CADPS: variants seen among roughly 807,000 people sequenced by gnomAD.
CADPS encodes the protein calcium dependent secretion activator, also known as calcium-dependent secretion activator 1.
A neutral mutation model predicts 167.3 loss-of-function variants in CADPS; 57 were observed. The ratio of observed to expected loss-of-function variants is 0.34; its 90% CI spans 0.28 to 0.42. The LOEUF is 0.42. Among genes scored for constraint, CADPS ranks in the 20% least tolerant of loss-of-function variants. The pLI, the probability that CADPS is intolerant of heterozygous loss-of-function variation, is 1.00. For missense variants in CADPS, 1,414 were observed against 1,738.1 expected (o/e 0.81, Z 3.32); for synonymous variants, 676 against 635.3 (o/e 1.06, Z -0.96).
chr3:62,820,799 T>TTG (rs1553723759), intron 1 of CADPS, among the ~76,000 whole-genome samples: 3 of 150,964 alleles, frequency 2.0e-5, no homozygotes, highest in Non-Finnish European at 4.4e-5. Context: ...TTTTTGGTTT[T>TTG]TTTTTTTTTT....
chr3:62,811,291 AT>A (rs1042659548), intron 1 of CADPS, among the ~76,000 whole-genome samples: 17 of 151,932 alleles, frequency 1.1e-4, no homozygotes, highest in African/African-American at 4.1e-4. Flanking sequence ...AGCCAATCTT[AT>A]AAAAAAAAAA....
intron 21 of CADPS, among the ~76,000 whole-genome samples, chr3:62,490,728 G>A (rs1236938414): frequency 1.3e-5 from 2 of 152,044 alleles, no homozygotes; most frequent in Non-Finnish European, 2.9e-5. Context: ...AAACATACTT[G>A]GCCATAAAGG....
chr3:62,643,517 T>A (rs1468679061), intron 6 of CADPS, among the ~76,000 whole-genome samples: 2 of 152,228 alleles, frequency 1.3e-5, no homozygotes, highest in African/African-American at 4.8e-5. Flanking sequence ...TAAGTATGTG[T>A]ATAAAACATG....
intron 4 of CADPS, among the ~76,000 whole-genome samples, chr3:62,653,830 C>A (rs753195776): frequency 6.6e-6 from 1 of 152,042 alleles, no homozygotes; most frequent in Non-Finnish European, 1.5e-5. Context: ...CTGAAATCCA[C>A]TCCGCAACGT....
At chr3:62,868,717 C>T (rs568715626) in intron 1 of CADPS, among the ~76,000 whole-genome samples, 2 of 152,246 alleles carry the variant, frequency 1.3e-5, no homozygotes, top group East Asian at 1.9e-4. Context: ...CTAACTTCAT[C>T]TCTAACCATC....
intron 3 of CADPS, among the ~76,000 whole-genome samples, chr3:62,728,398 C>T (rs1369239279): frequency 2.6e-5 from 4 of 151,788 alleles, no homozygotes; most frequent in African/African-American, 9.7e-5. Flanking sequence ...ATATCTAACA[C>T]TCACCTCACT....
chr3:62,670,553 C>A (rs1447593308), intron 3 of CADPS, among the ~76,000 whole-genome samples: 1 of 152,096 alleles, frequency 6.6e-6, no homozygotes, highest in Non-Finnish European at 1.5e-5. Context: ...CCAGGTTTTG[C>A]CAGCCAATGA....
chr3:62,429,488 G>A (rs2053491513), intron 28 of CADPS, among the ~76,000 whole-genome samples: 1 of 152,198 alleles, frequency 6.6e-6, no homozygotes, highest in Non-Finnish European at 1.5e-5. Flanking sequence ...CTGGAGCCCA[G>A]CAGGGAGAGA....
At chr3:62,520,192 G>A (rs2070134378) in intron 13 of CADPS, among the ~76,000 whole-genome samples, 1 of 152,138 alleles carries the variant, frequency 6.6e-6, no homozygotes, top group African/African-American at 2.4e-5. Context: ...ATTATTAGGA[G>A]ATAAATATCT....
intron 8 of CADPS, among the ~76,000 whole-genome samples, chr3:62,575,612 T>C: frequency 6.6e-6 from 1 of 152,244 alleles, no homozygotes; most frequent in East Asian, 1.9e-4. Context: ...TGAGAAAGTT[T>C]AAGTAACTTT....
intron 4 of CADPS, among the ~76,000 whole-genome samples, chr3:62,657,893 C>G (rs189569453): frequency 6.6e-6 from 1 of 152,198 alleles, no homozygotes; most frequent in Admixed American, 6.6e-5. Context: ...AGGGTCCCTA[C>G]AATATCTTTT....
Position 62,872,055 on chromosome 3 carries a change from C to A in CADPS, c.441+2534G>T, listed in dbSNP as rs138782196. Among the ~76,000 whole-genome samples the A allele has an allele frequency of 2.0e-3, 312 of 152,262 alleles. 4 individuals carry two copies. The highest frequency in any genetic ancestry group is 0.018 in the Admixed American group (279 of 15,290). The stretch of plus-strand genomic sequence containing the variant: ...GTCTTTTCTCCACAATTCAGCAATT[C>A]CTTTTCATAGATCTCGTTCTCTCTC... On this transcript the variant is annotated intron_variant, in intron 1 of 29. Coordinates refer to ENST00000383710, the MANE Select transcript of CADPS (RefSeq NM_003716.4).
At chr3:62,566,819 G>A (rs75038183) in intron 9 of CADPS, among the ~76,000 whole-genome samples, 170 of 152,124 alleles carry the variant, frequency 1.1e-3, no homozygotes, top group African/African-American at 3.8e-3. Context: ...ATTTTTTTGG[G>A]GGGATGGATG....
In CADPS at chr3:62,421,238, TC is replaced by T. The variant is rs2051309770; in HGVS notation, c.3777+16865del. On this transcript the variant is annotated intron_variant, in intron 28 of 29. Transcript: ENST00000383710. This position sits in a 1 kb window ranked among gnomAD's most constrained non-coding sequence, Gnocchi z 4.7. ...GTCCACAAGGCTCCCTCCCCCTTCC[TC>T]CCCACACCCCCCACCCTTTTGAGGT... Among the ~76,000 whole-genome samples, 1 of 146,062 alleles carries T rather than the reference TC, an allele frequency of 6.8e-6. No individual in the cohort carries two copies. Among genetic ancestry groups the T allele is most frequent in the South Asian group, 2.3e-4 (1 of 4,358 alleles).
intron 3 of CADPS, among the ~76,000 whole-genome samples, chr3:62,729,725 G>A (rs1280063380): frequency 6.6e-6 from 1 of 151,826 alleles, no homozygotes; most frequent in African/African-American, 2.4e-5. Context: ...TATTGTTGTT[G>A]TTTTCTGCCA....
chr3:62,573,045 C>T (rs2081574014), intron 8 of CADPS, among the ~76,000 whole-genome samples: 1 of 152,056 alleles, frequency 6.6e-6, no homozygotes, highest in South Asian at 2.1e-4. Context: ...CCATGTCCGG[C>T]TAATTTTTGT....
intron 24 of CADPS, among the ~76,000 whole-genome samples, chr3:62,466,930 A>C (rs2060005419): frequency 6.6e-6 from 1 of 152,164 alleles, no homozygotes; most frequent in East Asian, 1.9e-4. Context: ...TTTGTCTCCA[A>C]GTCTTGACTC....
At chr3:62,484,885 A>G (rs1457962550) in intron 21 of CADPS, among the ~76,000 whole-genome samples, 1 of 152,166 alleles carries the variant, frequency 6.6e-6, no homozygotes, top group Non-Finnish European at 1.5e-5. Context: ...TTGCATGCAT[A>G]TATGTAGCAC....
chr3:62,468,706 A>G (rs2060225219), intron 24 of CADPS, among the ~76,000 whole-genome samples: 1 of 152,198 alleles, frequency 6.6e-6, no homozygotes, highest in Non-Finnish European at 1.5e-5. Context: ...CAGTCCCACT[A>G]TCTCTCCCTT....
Sources: allele counts gnomAD v4.1 joint callset (sites outside exome capture counted in the v4.1 genomes callset), GRCh38; gene constraint gnomAD v4.1.1; non-coding constraint Gnocchi (gnomAD v3.1); transcripts MANE v1.5; gene names NCBI Gene and HGNC (gene_info 2026-07-23, HGNC 2026-07-21).